NMNAT2: variants seen among roughly 807,000 people sequenced by gnomAD.
NMNAT2 encodes nicotinamide/nicotinic acid mononucleotide adenylyltransferase 2.
A neutral mutation model predicts 41.6 loss-of-function variants in NMNAT2; 11 were observed. That is an observed-to-expected ratio of 0.26 (90% CI 0.17 to 0.44). The LOEUF (loss-of-function observed/expected upper bound fraction) is 0.44. Ranked by LOEUF, NMNAT2 falls within the 20% of genes least tolerant of loss-of-function variation. The pLI is 1.00. For synonymous variants in NMNAT2, 148 were observed against 151.2 expected (o/e 0.98, Z 0.16); for missense variants, 288 against 407.7 (o/e 0.71, Z 2.53).
chr1:183,368,956 A>C (rs1352873208), intron 1 of NMNAT2, among the ~76,000 whole-genome samples: 2 of 152,096 alleles, frequency 1.3e-5, no homozygotes, highest in African/African-American at 4.8e-5. Context: ...CTTCTATTAA[A>C]ATGCACAGTC....
chr1:183,404,641 A>C (rs1486883535), intron 1 of NMNAT2, among the ~76,000 whole-genome samples: 2 of 152,100 alleles, frequency 1.3e-5, no homozygotes, highest in African/African-American at 4.8e-5. Flanking sequence ...TAGGAGCTCT[A>C]CTCTGGAGGG....
At chr1:183,296,139 C>T (rs959739868) in intron 1 of NMNAT2, among the ~76,000 whole-genome samples, 8 of 152,150 alleles carry the variant, frequency 5.3e-5, no homozygotes, top group Non-Finnish European at 8.8e-5. Context: ...CGTGAGCCAC[C>T]GCGCCCGGCC....
Position 183,358,136 on chromosome 1 carries a change from G to A in NMNAT2, c.85+60047C>T, listed in dbSNP as rs566223225. On this transcript the variant is annotated intron_variant, in intron 1 of 10. Coordinates refer to ENST00000287713, the MANE Select transcript of NMNAT2 (RefSeq NM_015039.4). ...CTTTGCAGGGACATGGATGAAATTG[G>A]AGGCCATTATCCTTAGCGAACTAAT... 2.6e-5 allele frequency among the ~76,000 whole-genome samples: 4 copies of A among 152,302 alleles called. No homozygotes were observed. The South Asian group carries it at 8.3e-4, about 32-fold the overall frequency.
chr1:183,383,262 A>T (rs1320843408), intron 1 of NMNAT2, among the ~76,000 whole-genome samples: 1 of 152,200 alleles, frequency 6.6e-6, no homozygotes, highest in East Asian at 1.9e-4. Flanking sequence ...GCAGGGCAGC[A>T]GAGGCCTGGG....
At chr1:183,357,390 C>T (rs113591522) in intron 1 of NMNAT2, among the ~76,000 whole-genome samples, 18 of 151,750 alleles carry the variant, frequency 1.2e-4, no homozygotes, top group South Asian at 4.2e-4. Flanking sequence ...CCACCACGCC[C>T]GGCTAATTTT....
intron 1 of NMNAT2, among the ~76,000 whole-genome samples, chr1:183,317,988 T>C (rs903288034): frequency 6.6e-6 from 1 of 151,950 alleles, no homozygotes; most frequent in Non-Finnish European, 1.5e-5. Context: ...CACAATACAG[T>C]GTTAAAGGAG....
intron 1 of NMNAT2, among the ~76,000 whole-genome samples, chr1:183,388,270 G>C (rs542734010): frequency 1.5e-3 from 221 of 152,134 alleles, no homozygotes; most frequent in African/African-American, 4.7e-3. Flanking sequence ...TGAAGAATAT[G>C]GAGGCGCACA....
intron 1 of NMNAT2, among the ~76,000 whole-genome samples, chr1:183,389,806 A>AGGGAGGG (rs1557897646): frequency 1.2e-5 from 1 of 84,956 alleles, no homozygotes; most frequent in East Asian, 5.2e-4. Flanking sequence ...GAAAGAAAGA[A>AGGGAGGG]AGAAAGAAAG....
At chr1:183,341,725 C>CAAAAAAAAAAACAAAAAAAAAAAAAAAA in intron 1 of NMNAT2, among the ~76,000 whole-genome samples, 1 of 22,212 alleles carries the variant, frequency 4.5e-5, no homozygotes, top group African/African-American at 1.6e-4. Flanking sequence ...AAACAAACAC[C>CAAAAAAAAAAACAAAAAAAAAAAAAAAA]AAAAAAAAAA....
At chr1:183,279,767 T>C (rs917685420) in intron 7 of NMNAT2, among the ~76,000 whole-genome samples, 1 of 152,216 alleles carries the variant, frequency 6.6e-6, no homozygotes, top group Non-Finnish European at 1.5e-5. Flanking sequence ...CAGGGCAGCC[T>C]TCCCACGTAA....
At chr1:183,290,013 G>C in intron 4 of NMNAT2, 115 bp downstream of exon 4, 1 of 731,468 alleles carries the variant, frequency 1.4e-6, no homozygotes, top group South Asian at 1.8e-5. Context: ...GAGGCTGAAA[G>C]CAGGTCGATA....
chr1:183,345,976 G>A (rs1295391963), intron 1 of NMNAT2, among the ~76,000 whole-genome samples: 1 of 152,150 alleles, frequency 6.6e-6, no homozygotes, highest in Non-Finnish European at 1.5e-5. Context: ...GTGAGCCATT[G>A]AGCCAGGCTA....
intron 1 of NMNAT2, among the ~76,000 whole-genome samples, chr1:183,362,214 C>T (rs950824166): frequency 2.0e-5 from 3 of 152,162 alleles, no homozygotes; most frequent in Non-Finnish European, 2.9e-5. Flanking sequence ...GCTAGGATTA[C>T]GGGCATGAGC....
chr1:183,400,408 A>G (rs932740775), intron 1 of NMNAT2, among the ~76,000 whole-genome samples: 2 of 152,224 alleles, frequency 1.3e-5, no homozygotes, highest in African/African-American at 4.8e-5. Context: ...TCAACGAAAT[A>G]AAAGAGGACA....
At chr1:183,326,062 C>T (rs116199189) in intron 1 of NMNAT2, among the ~76,000 whole-genome samples, 1 of 152,006 alleles carries the variant, frequency 6.6e-6, no homozygotes, top group South Asian at 2.1e-4. Flanking sequence ...GAACAGAATG[C>T]AGTCATCAGG....
At chr1:183,368,705 A>G (rs753023716) in intron 1 of NMNAT2, among the ~76,000 whole-genome samples, 3 of 152,108 alleles carry the variant, frequency 2.0e-5, no homozygotes, top group Non-Finnish European at 2.9e-5. Flanking sequence ...CTCCATAAAT[A>G]TTTGTTGGCA....
chr1:183,388,763 A>G (rs1201628197), intron 1 of NMNAT2, among the ~76,000 whole-genome samples: 1 of 152,180 alleles, frequency 6.6e-6, no homozygotes, highest in Non-Finnish European at 1.5e-5. Context: ...GCTATAAACT[A>G]CATAAAGGCA....
chr1:183,410,814 C>T (rs1649096473), intron 1 of NMNAT2, among the ~76,000 whole-genome samples: 1 of 150,950 alleles, frequency 6.6e-6, no homozygotes, highest in Admixed American at 6.6e-5. Flanking sequence ...AACTTCTGGG[C>T]TCAAGTGATC....
chr1:183,370,084 C>T (rs889361695), intron 1 of NMNAT2, among the ~76,000 whole-genome samples: 4 of 151,964 alleles, frequency 2.6e-5, no homozygotes, highest in East Asian at 3.9e-4. Flanking sequence ...TCCCAACACA[C>T]GGCTGCAACC....
Sources: allele counts gnomAD v4.1 joint callset (sites outside exome capture counted in the v4.1 genomes callset), GRCh38; gene constraint gnomAD v4.1.1; transcripts MANE v1.5; gene names NCBI Gene and HGNC (gene_info 2026-07-23, HGNC 2026-07-21).